The following MGAM variants were observed in gnomAD, a reference collection of about 807,000 sequenced individuals.
MGAM encodes the protein alpha-1,4-glucosidase.
Under a neutral mutation model 358.8 loss-of-function variants are expected in MGAM, and 253 were observed. The ratio of observed to expected loss-of-function variants is 0.71; its 90% CI spans 0.64 to 0.78. The LOEUF is 0.78. Ranked by LOEUF, MGAM falls within the 30% of genes least tolerant of loss-of-function variation. The probability of loss-of-function intolerance (pLI) is 0.00; values close to 1 mark genes in which losing one functional copy is unlikely to be tolerated. For missense variants in MGAM, 3,080 were observed against 3,432.6 expected (o/e 0.90, Z 2.57); for synonymous variants, 1,105 against 1,227.1 (o/e 0.90, Z 2.08).
chr7:142,073,055 A>G (rs927763983), intron 44 of MGAM, among the ~76,000 whole-genome samples: 2 of 146,264 alleles, frequency 1.4e-5, no homozygotes, highest in Admixed American at 6.9e-5. Flanking sequence ...TTTACTGGGT[A>G]AGTCTCCAGA....
rs368127800 is a variant in MGAM, at chr7:142,034,327, C to G, written c.1735C>G (p.Gln579Glu). 1 of 1,597,814 alleles carries G rather than the reference C, an allele frequency of 6.3e-7. No individual in the cohort carries two copies. The highest frequency in any genetic ancestry group is 1.1e-5 in the South Asian group (1 of 87,980). ...CMDAVQHWGK[Q>E]YDIHNLYGYS... ...GGATGCAGTGCAGCACTGGGGCAAG[C>G]AGTATGACATTCACAATCTGTATGG... The change falls in exon 15 of 71, where the codon CAG becomes GAG. Residue 579 changes from glutamine to glutamate, a missense_variant. This residue lies in a region of MGAM where 1,816 missense variants were observed against 1,840.5 expected (regional missense o/e 0.99). Transcript: ENST00000475668.
chr7:142,045,061 A>G (rs1809880477), intron 21 of MGAM, among the ~76,000 whole-genome samples: 1 of 89,566 alleles, frequency 1.1e-5, no homozygotes, highest in Non-Finnish European at 2.2e-5. Flanking sequence ...TAATATGTAT[A>G]TTATATATAC....
In MGAM at chr7:142,083,718, T is replaced by C. The variant is rs969051427; in HGVS notation, c.6381+305T>C. 3.5e-5 allele frequency among the ~76,000 whole-genome samples: 5 copies of C among 141,730 alleles called. 1 individual carries two copies. Among genetic ancestry groups the C allele is most frequent in the African/African-American group, 5.0e-5 (2 of 39,618 alleles). The allele number at this position is 141,730 out of a possible 152,430, so 93.0% of individuals were successfully genotyped here. On this transcript the variant is annotated intron_variant, in intron 53 of 70. Coordinates refer to ENST00000475668, the MANE Select transcript of MGAM (RefSeq NM_001365693.1). ...TGGTGATGATGGTGGTAGGGGATGATGGTGGTGATAGTGATGTGGGAATGG... is the reference window on the plus strand; with the variant it reads ...TGGTGATGATGGTGGTAGGGGATGACGGTGGTGATAGTGATGTGGGAATGG...
Position 142,036,827 on chromosome 7 carries a change from A to T in MGAM, c.2081A>T (p.Gln694Leu). Residue 694 changes from glutamine (Q) to leucine (L), a missense_variant, in exon 18 of 71, where the codon CAG (glutamine) becomes CTG (leucine). By Grantham distance (113) the Gln-to-Leu change is moderately radical (BLOSUM62 -2). Transcript: ENST00000475668. ...RNHNGQGYKD[Q>L]DPASFGADSL... ...CAAACTCCTATTTCCTCCCAGGACC[A>T]GGATCCTGCCTCCTTTGGAGCTGAC... is the stretch of plus-strand genomic sequence containing the variant. 1 of 1,613,328 alleles carries T rather than the reference A, an allele frequency of 6.2e-7. No homozygotes were observed. The highest frequency in any genetic ancestry group is 8.5e-7 in the Non-Finnish European group (1 of 1,179,494).
intron 7 of MGAM, among the ~76,000 whole-genome samples, chr7:142,023,693 T>G (rs1806682874): frequency 6.6e-6 from 1 of 150,442 alleles, no homozygotes; most frequent in Admixed American, 6.6e-5. Context: ...AAAAAGAGGT[T>G]GTAAGAACAG....
chr7:142,035,377 G>A (rs1364912625), intron 16 of MGAM, among the ~76,000 whole-genome samples: 1 of 152,148 alleles, frequency 6.6e-6, no homozygotes, highest in Non-Finnish European at 1.5e-5. Context: ...AGACAGATGT[G>A]TAAACAAATA....
chr7:142,100,185 C>A (rs1816316796), intron 67 of MGAM, among the ~76,000 whole-genome samples: 1 of 152,180 alleles, frequency 6.6e-6, no homozygotes, highest in African/African-American at 2.4e-5. Flanking sequence ...GTGCCTAGAA[C>A]TATATGAATA....
chr7:142,095,990 G>A (rs1369483701), intron 64 of MGAM: 2 of 610,234 alleles, frequency 3.3e-6, no homozygotes, highest in Non-Finnish European at 5.7e-6. Context: ...ATCTTTTGTA[G>A]CAGTTTGGTT....
intron 7 of MGAM, 93 bp from the exon 8 acceptor site, chr7:142,024,957 T>G (rs1451055230): frequency 6.3e-6 from 5 of 797,642 alleles, no homozygotes; most frequent in Non-Finnish European, 1.1e-5. Context: ...GTCAATTAGT[T>G]GCATGATTAA....
At chr7:142,045,175 TA>T (rs1366202830) in intron 21 of MGAM, among the ~76,000 whole-genome samples, 1 of 85,110 alleles carries the variant, frequency 1.2e-5, no homozygotes, top group Non-Finnish European at 2.0e-5. Context: ...ATATATATTA[TA>T]TAACATATAT....
In MGAM at chr7:142,008,656, T is replaced by C. The variant is rs1805356574; in HGVS notation, c.278T>C (p.Val93Ala). ...CCTGTTTCTGCTGAATGTCCAGTGGTAAATGAATTGGAACGAATTAATTGC... is the reference window on the plus strand; with the variant it reads ...CCTGTTTCTGCTGAATGTCCAGTGGCAAATGAATTGGAACGAATTAATTGC... ...TTPVSAECPV[V>A]NELERINCIP... Residue 93 changes from valine to alanine, a missense_variant, in exon 3 of 71, where the codon GTA becomes GCA. Val to Ala is a moderately conservative substitution (Grantham distance 64). Around this residue, in one of 5 missense-constraint regions of MGAM, gnomAD observed 1,816 missense variants for 1,840.5 expected, o/e 0.99. Transcript: ENST00000475668. 6.2e-7 allele frequency: 1 copy of C among 1,613,424 alleles called. No homozygotes were observed. The highest frequency in any genetic ancestry group is 8.5e-7 in the Non-Finnish European group (1 of 1,179,544).
At chr7:142,065,217 T>G in intron 37 of MGAM, 118 bp from the exon 38 acceptor site, 1 of 1,384,992 alleles carries the variant, frequency 7.2e-7, no homozygotes, top group Non-Finnish European at 9.8e-7. Context: ...CAGAGTCCCA[T>G]GTTCCCTCCA....
rs143944714 is a variant in MGAM at position 142,074,517 on chromosome 7, G to A, written c.5275+344G>A. ...AAAATTCTTATGAGCAAATGTTGAC[G>A]ATATAAAAATCATGCACCTGCCAGT... On this transcript the variant is annotated intron_variant, in intron 45 of 70. Coordinates refer to ENST00000475668, the MANE Select transcript of MGAM (RefSeq NM_001365693.1). Among the ~76,000 whole-genome samples the A allele has an allele frequency of 4.9e-3, 707 of 144,520 alleles. 31 individuals are homozygous for A. The highest frequency in any genetic ancestry group is 0.016 in the African/African-American group (658 of 40,328). 94.8% of individuals were successfully genotyped at this position (144,520 alleles called of 152,430 possible). A position where few individuals can be genotyped will look rare whatever the true frequency, so the allele number is the denominator to read the frequency against.
rs1185725831 is a variant in MGAM at position 142,097,961 on chromosome 7, T to C, written c.7749+312T>C. ...CAATGTTTTGTAAAGGCAGATGCTT[T>C]TGAGATTGTGTTGCAAACTATAGTT... On this transcript the variant is annotated intron_variant, in intron 66 of 70. Transcript: ENST00000475668. Among the ~76,000 whole-genome samples the C allele has an allele frequency of 2.6e-5, 4 of 152,248 alleles. No homozygotes were observed. The East Asian group carries it at 7.7e-4, about 29-fold the overall frequency.
chr7:141,992,775 T>A (rs1204096945), upstream of MGAM, among the ~76,000 whole-genome samples: 1 of 152,020 alleles, frequency 6.6e-6, no homozygotes, highest in Non-Finnish European at 1.5e-5. Context: ...TAGAGACATG[T>A]TCTCCTTATG....
intron 65 of MGAM, 86 bp from the exon 66 acceptor site, chr7:142,097,507 A>T: frequency 7.4e-7 from 1 of 1,358,450 alleles, no homozygotes; most frequent in Non-Finnish European, 1.1e-6. Context: ...GGCCATCACA[A>T]TTATTTAACC....
In MGAM at chr7:142,105,869, T is replaced by A; in HGVS notation, c.8240T>A (p.Leu2747Ter). ...RNISLHNFTS[L>*]TWISTL ...ATCAGCCTACATAATTTTACTTCAT[T>A]GACGTGGATAAGCACTCTGTGAATT... is the stretch of plus-strand genomic sequence containing the variant. Residue 2747 changes from leucine to a stop codon, truncating the protein, a stop_gained, in exon 71 of 71, where the codon TTG becomes TAG. Transcript: ENST00000475668. LOFTEE classifies it high-confidence loss of function. The A allele has an allele frequency of 1.9e-6, 3 of 1,612,590 alleles. No homozygotes were observed. Among genetic ancestry groups the A allele is most frequent in the Non-Finnish European group, 2.5e-6 (3 of 1,178,692 alleles).
chr7:142,034,513 A>T, intron 15 of MGAM, 134 bp downstream of exon 15: 1 of 966,314 alleles, frequency 1.0e-6, no homozygotes, highest in Non-Finnish European at 1.5e-6. Flanking sequence ...ACATTTAATG[A>T]TACAGAATGC....
chr7:142,027,263 T>C (rs1554461311), intron 9 of MGAM, 36 bp downstream of exon 9: 1 of 1,473,460 alleles, frequency 6.8e-7, no homozygotes, highest in East Asian at 2.3e-5. Context: ...ACTCAGGAAA[T>C]CCTAAACAGC....
Sources: gnomAD v4.1 joint callset for allele counts (sites outside exome capture counted in the v4.1 genomes callset) on GRCh38, gnomAD v4.1.1 for gene constraint, gnomAD v4.1.1 regional missense constraint, MANE v1.5 for transcripts, NCBI Gene and HGNC (gene_info 2026-07-23, HGNC 2026-07-21) for gene names.